Variants in CCBE1 observed in about 807,000 individuals in gnomAD.
CCBE1 encodes the protein collagen and calcium-binding EGF domain-containing protein 1.
A neutral mutation model predicts 50.0 loss-of-function variants in CCBE1; 37 were observed. That is an observed-to-expected ratio of 0.74 (90% CI 0.57 to 0.97). CCBE1 has a LOEUF of 0.97. Among genes scored for constraint, CCBE1 ranks in the 50% least tolerant of loss-of-function variants. CCBE1 has a pLI of 0.00. For missense variants in CCBE1, 538 were observed against 523.8 expected (o/e 1.03, Z -0.26); for synonymous variants, 234 against 203.7 (o/e 1.15, Z -1.27).
chr18:59,464,552 C>T (rs1271562296), intron 5 of CCBE1, among the ~76,000 whole-genome samples: 2 of 152,256 alleles, frequency 1.3e-5, no homozygotes, highest in East Asian at 3.8e-4. Context: ...GCACATGCCA[C>T]ATGCTTCAGG....
Position 59,430,961 on chromosome 18 carries a change from A to T in CCBE1, c.*4947T>A, listed in dbSNP as rs1909928178. 1 of 152,254 alleles carries T rather than the reference A, an allele frequency of 6.6e-6. No individual in the cohort carries two copies. Among genetic ancestry groups the T allele is most frequent in the Non-Finnish European group, 1.5e-5 (1 of 68,048 alleles). The allele number at this position is 152,254 out of a possible 1,614,324, so 9.4% of individuals were successfully genotyped here. On this transcript the variant is annotated 3_prime_UTR_variant, in exon 11 of 11. Transcript: ENST00000439986. ...ATGTAAGAAAAATAACTTTGTTATT[A>T]AGCATATACAATCATAACAAAAGTA...
intron 5 of CCBE1, among the ~76,000 whole-genome samples, chr18:59,457,708 T>C: frequency 6.6e-6 from 1 of 152,216 alleles, no homozygotes; most frequent in Non-Finnish European, 1.5e-5. Context: ...AGCAAGTATC[T>C]GAGGTGGGTT....
intron 2 of CCBE1, among the ~76,000 whole-genome samples, chr18:59,629,689 A>T (rs1568242464): frequency 6.6e-6 from 1 of 152,252 alleles, no homozygotes; most frequent in African/African-American, 2.4e-5. Flanking sequence ...AGAAAACAGC[A>T]TAGTATTCTC....
At chr18:59,570,430 T>G (rs2052893391) in intron 2 of CCBE1, among the ~76,000 whole-genome samples, 1 of 152,210 alleles carries the variant, frequency 6.6e-6, no homozygotes, top group Non-Finnish European at 1.5e-5. Flanking sequence ...AGCCACCAGT[T>G]TTTGATGAGG....
At chr18:59,593,772 T>G (rs1472925046) in intron 2 of CCBE1, among the ~76,000 whole-genome samples, 2 of 152,258 alleles carry the variant, frequency 1.3e-5, no homozygotes, top group African/African-American at 4.8e-5. Context: ...TCCAACTTCT[T>G]TCAGTTAGCT....
At chr18:59,650,694 C>T (rs1026945598) in intron 2 of CCBE1, among the ~76,000 whole-genome samples, 7 of 151,318 alleles carry the variant, frequency 4.6e-5, no homozygotes, top group Admixed American at 4.6e-4. Flanking sequence ...AATTTACAGC[C>T]GCCTCTTCTG....
intron 3 of CCBE1, among the ~76,000 whole-genome samples, chr18:59,475,657 C>T (rs572822528): frequency 6.6e-6 from 1 of 152,220 alleles, no homozygotes; most frequent in East Asian, 1.9e-4. Flanking sequence ...GTTTGTCTAC[C>T]CTCTCACCGC....
intron 2 of CCBE1, among the ~76,000 whole-genome samples, chr18:59,554,270 T>G (rs776243642): frequency 1.3e-5 from 2 of 152,178 alleles, no homozygotes; most frequent in African/African-American, 4.8e-5. Context: ...TGAGCCACCA[T>G]GCCCAGACTG....
chr18:59,569,974 C>T (rs1210289783), intron 2 of CCBE1, among the ~76,000 whole-genome samples: 2 of 152,186 alleles, frequency 1.3e-5, no homozygotes, highest in Non-Finnish European at 2.9e-5. Flanking sequence ...CAGATAATGC[C>T]AGATTCTACA....
At chr18:59,462,970 G>A (rs1911564585) in intron 5 of CCBE1, among the ~76,000 whole-genome samples, 2 of 152,166 alleles carry the variant, frequency 1.3e-5, no homozygotes. Context: ...CTACTGCTCA[G>A]GTATTTTTAC....
At chr18:59,664,007 T>A (rs575887214) in intron 2 of CCBE1, among the ~76,000 whole-genome samples, 1 of 152,152 alleles carries the variant, frequency 6.6e-6, no homozygotes, top group African/African-American at 2.4e-5. Flanking sequence ...CAACATACCA[T>A]GAACTGGGTA....
chr18:59,443,037 A>G (rs191341644), intron 7 of CCBE1, among the ~76,000 whole-genome samples: 1 of 152,192 alleles, frequency 6.6e-6, no homozygotes, highest in East Asian at 1.9e-4. Context: ...CTGTATCGAC[A>G]CAGCTCTGAG....
At chr18:59,509,599 A>AAC (rs1209873958) in intron 2 of CCBE1, among the ~76,000 whole-genome samples, 2 of 152,206 alleles carry the variant, frequency 1.3e-5, no homozygotes, top group Non-Finnish European at 2.9e-5. Flanking sequence ...CACACACTGA[A>AAC]ACACAAATTT....
At chr18:59,603,660 C>A (rs373512888) in intron 2 of CCBE1, among the ~76,000 whole-genome samples, 12 of 152,346 alleles carry the variant, frequency 7.9e-5, no homozygotes, top group Middle Eastern at 3.4e-3. Flanking sequence ...CTTCCTACTA[C>A]AAAGTTGTTG....
intron 2 of CCBE1, among the ~76,000 whole-genome samples, chr18:59,661,837 C>T (rs1181636040): frequency 1.3e-5 from 2 of 151,866 alleles, no homozygotes; most frequent in Non-Finnish European, 2.9e-5. Context: ...CACAATGCTG[C>T]GCACCTGTAA....
chr18:59,570,820 G>C (rs1244249525), intron 2 of CCBE1, among the ~76,000 whole-genome samples: 1 of 152,158 alleles, frequency 6.6e-6, no homozygotes, highest in Middle Eastern at 3.2e-3. Context: ...CCAGCACACT[G>C]GCTCCAGGAG....
chr18:59,672,295 C>G (rs1345880416), intron 2 of CCBE1, among the ~76,000 whole-genome samples: 3 of 152,124 alleles, frequency 2.0e-5, no homozygotes, highest in Non-Finnish European at 2.9e-5. Flanking sequence ...AAGCAACAAT[C>G]CTCCCATTCC....
chr18:59,673,590 CTCT>C (rs1301705064), intron 2 of CCBE1, among the ~76,000 whole-genome samples: 2 of 152,174 alleles, frequency 1.3e-5, no homozygotes, highest in South Asian at 2.1e-4. Flanking sequence ...TCATAAATAG[CTCT>C]TATTATTTTG....
chr18:59,466,361 C>T (rs939297903), intron 5 of CCBE1, among the ~76,000 whole-genome samples: 5 of 152,060 alleles, frequency 3.3e-5, no homozygotes, highest in South Asian at 2.1e-4. Flanking sequence ...TGCCTGCAAC[C>T]GTGTAAGACG....
Sources: gnomAD v4.1 joint callset for allele counts (sites outside exome capture counted in the v4.1 genomes callset) on GRCh38, gnomAD v4.1.1 for gene constraint, MANE v1.5 for transcripts, NCBI Gene and HGNC (gene_info 2026-07-23, HGNC 2026-07-21) for gene names.